The following NBPF15 variants were observed in gnomAD, a reference collection of about 807,000 sequenced individuals.
NBPF15 encodes the protein NBPF family member NBPF15.
Under a neutral mutation model 62.2 loss-of-function variants are expected in NBPF15, and 74 were observed. The observed-to-expected ratio is 1.19, with a 90% CI of 0.99 to 1.44. The LOEUF (loss-of-function observed/expected upper bound fraction) is 1.44. NBPF15 is among the 40% of genes most tolerant of loss of function. The pLI is 0.00. For synonymous variants in NBPF15, 244 were observed against 209.7 expected, an observed-to-expected ratio of 1.16 and a Z score of -1.41; for missense variants, 790 against 550.0, an observed-to-expected ratio of 1.44 and a Z score of -4.36.
intron 6 of NBPF15, among the ~76,000 whole-genome samples, chr1:144,447,502 C>G (rs1688429366): frequency 6.6e-6 from 1 of 151,838 alleles, no homozygotes; most frequent in South Asian, 2.1e-4. Context: ...AATGCTAAAC[C>G]TAACTACAAG....
chr1:144,435,712 G>C, intron 11 of NBPF15, 69 bp downstream of exon 11: 1 of 752,480 alleles, frequency 1.3e-6, no homozygotes, highest in Non-Finnish European at 2.4e-6. Flanking sequence ...AGATGCCAGA[G>C]AGGGTGTGCC....
At chr1:144,424,095 G>A (rs1667781878) in intron 20 of NBPF15, 120 bp from the exon 21 acceptor site, 3 of 750,770 alleles carry the variant, frequency 4.0e-6, no homozygotes, top group African/African-American at 3.4e-5. Flanking sequence ...ACGACACCAT[G>A]AGAGATATAT....
chr1:144,458,842 C>A (rs1219835579), intron 3 of NBPF15, among the ~76,000 whole-genome samples: 1 of 151,720 alleles, frequency 6.6e-6, no homozygotes, highest in Non-Finnish European at 1.5e-5. Flanking sequence ...GAGTTTGAGA[C>A]CAACCTGGGA....
Position 144,426,417 on chromosome 1 carries a change from A to G in NBPF15, c.1299T>C (p.Pro433=), listed in dbSNP as rs1244068108. Residue 433 remains proline, a synonymous_variant, in exon 18 of 22, where the codon CCT becomes CCC. Coordinates refer to ENST00000581897, the MANE Select transcript of NBPF15 (RefSeq NM_001385408.1). ...TATCCAGTGAGTCCTGCAAGACTTCAGGCTCTTTCTCATCCAGCAGCTCCC... is the reference window on the plus strand; with the variant it reads ...TATCCAGTGAGTCCTGCAAGACTTCGGGCTCTTTCTCATCCAGCAGCTCCC... ...LSRELLDEKE[P]EVLQDSLDRC... is the part of the protein sequence containing the mutation. 1,427 of 796,628 alleles carry G rather than the reference A, an allele frequency of 1.8e-3. 14 individuals are homozygous for G. The highest frequency in any genetic ancestry group is 3.8e-3 in the Middle Eastern group (11 of 2,866). 49.3% of individuals were successfully genotyped at this position (796,628 alleles called of 1,614,324 possible).
intron 15 of NBPF15, 148 bp from the exon 16 acceptor site, chr1:144,428,138 G>A (rs1282614512): frequency 4.4e-6 from 3 of 675,108 alleles, no homozygotes; most frequent in Non-Finnish European, 8.1e-6. Context: ...CCTTTATGTT[G>A]GGATAGACTA....
Position 144,426,288 on chromosome 1 carries a change from A to T in NBPF15, c.1428T>A (p.Leu476=), listed in dbSNP as rs1390233382. 5.1e-4 allele frequency: 313 copies of T among 618,280 alleles called. 1 individual carries two copies. In the East Asian group the frequency reaches 7.2e-3, roughly 14 times the overall value. 38.3% of individuals were successfully genotyped at this position (618,280 alleles called of 1,614,324 possible). A position where few individuals can be genotyped will look rare whatever the true frequency, so the allele number is the denominator to read the frequency against. The stretch of plus-strand genomic sequence containing the variant: ...CAGTAAGGTACTCACTGTCCACGTC[A>T]AGAGCCAAGCCAAGGTACTGTTCCT... ...SLEEQYLGLA[L]DVDRIKKDQE... The change falls in exon 18 of 22, where the codon CTT becomes CTA. Residue 476 remains leucine, a synonymous_variant. Coordinates refer to ENST00000581897, the MANE Select transcript of NBPF15 (RefSeq NM_001385408.1).
chr1:144,424,158 G>A (rs1310654198), intron 20 of NBPF15, among the ~76,000 whole-genome samples, 183 bp from the exon 21 acceptor site: 3,510 of 152,100 alleles, frequency 0.023, 93 homozygotes, highest in Middle Eastern at 0.065. Context: ...TTTTCTCCCA[G>A]AAACTGTGGG....
chr1:144,431,395 C>G (rs1376728358), intron 13 of NBPF15, among the ~76,000 whole-genome samples: 1 of 150,234 alleles, frequency 6.7e-6, no homozygotes, highest in Non-Finnish European at 1.5e-5. Flanking sequence ...ACCCTACAAG[C>G]CAGAAGAGAG....
intron 4 of NBPF15, among the ~76,000 whole-genome samples, chr1:144,453,386 C>A (rs1315514908): frequency 5.3e-5 from 8 of 151,670 alleles, no homozygotes; most frequent in Non-Finnish European, 8.8e-5. Flanking sequence ...TAGGAGATAA[C>A]ATAGGAGAAA....
intron 8 of NBPF15, among the ~76,000 whole-genome samples, chr1:144,438,810 G>A (rs1443818789): frequency 6.6e-6 from 1 of 151,782 alleles, no homozygotes; most frequent in South Asian, 2.1e-4. Flanking sequence ...AAGCAACTTG[G>A]ATGGAGCCCA....
intron 6 of NBPF15, among the ~76,000 whole-genome samples, chr1:144,447,188 G>T (rs1688187197): frequency 1.3e-5 from 2 of 152,288 alleles, no homozygotes; most frequent in African/African-American, 2.4e-5. Context: ...CTCCCGCCAT[G>T]ACCTCCAGCC....
In NBPF15 at chr1:144,460,939, C is replaced by G. The variant is rs1178848256; in HGVS notation, c.-915G>C. The G allele has an allele frequency of 6.6e-6, 1 of 151,656 alleles. No individual in the cohort carries two copies. Among genetic ancestry groups the G allele is most frequent in the African/African-American group, 2.4e-5 (1 of 41,214 alleles). 9.4% of individuals were successfully genotyped at this position (151,656 alleles called of 1,614,324 possible). On this transcript the variant is annotated 5_prime_UTR_variant, in exon 2 of 22. Coordinates refer to ENST00000581897, the MANE Select transcript of NBPF15 (RefSeq NM_001385408.1). ...CCTCATGTGCATCCTGGACTTGGTA[C>G]ACCCGGCTTGCCCATCACCAGCCTG...
chr1:144,426,145 A>T lies in NBPF15; in HGVS notation c.1438+133T>A. 4 of 655,676 alleles carry T rather than the reference A, an allele frequency of 6.1e-6. No individual in the cohort carries two copies. The South Asian group carries it at 6.5e-5, about 11-fold the overall frequency. 40.6% of individuals were successfully genotyped at this position (655,676 alleles called of 1,614,324 possible). A position where few individuals can be genotyped will look rare whatever the true frequency, so the allele number is the denominator to read the frequency against. ...CAACTGAGACTACAGTTTCATTACA[A>T]CCTTTATGCGCCCATAGGTCCTGCC... On this transcript the variant is annotated intron_variant, in intron 18 of 21. Transcript: ENST00000581897.
At chr1:144,427,687 C>G (rs1238008018) in intron 16 of NBPF15, 131 bp downstream of exon 16, 20 of 625,816 alleles carry the variant, frequency 3.2e-5, no homozygotes, top group Non-Finnish European at 5.6e-5. Context: ...TTTCATTCAA[C>G]CTACATGTGC....
At chr1:144,424,452 G>C (rs1243814064) in intron 20 of NBPF15, among the ~76,000 whole-genome samples, 2 of 152,016 alleles carry the variant, frequency 1.3e-5, no homozygotes, top group African/African-American at 4.8e-5. Context: ...AATGTCATGA[G>C]AGTAGAATCA....
chr1:144,459,668 G>T (rs587730735), intron 2 of NBPF15, among the ~76,000 whole-genome samples, 185 bp from the exon 3 acceptor site: 1 of 151,606 alleles, frequency 6.6e-6, no homozygotes, highest in East Asian at 1.9e-4. Flanking sequence ...AATGAAAACT[G>T]GATAAAAAGA....
At chr1:144,461,279 G>GCC (rs1409534229) in intron 1 of NBPF15, 102 bp downstream of exon 1, 1 of 151,820 alleles carries the variant, frequency 6.6e-6, no homozygotes, top group African/African-American at 2.4e-5. Context: ...CGGAACACAC[G>GCC]CCCTCCCAAC....
At chr1:144,451,099 A>G (rs1690814081) in intron 4 of NBPF15, among the ~76,000 whole-genome samples, 1 of 151,738 alleles carries the variant, frequency 6.6e-6, no homozygotes, top group South Asian at 2.1e-4. Context: ...ATTTCCGGAG[A>G]GGGGGATGTG....
chr1:144,461,247 G>A (rs1457856467), intron 1 of NBPF15, 134 bp downstream of exon 1: 1 of 152,106 alleles, frequency 6.6e-6, no homozygotes, highest in Non-Finnish European at 1.5e-5. Context: ...TCCAACGCAT[G>A]GAACTTAAGC....
Sources: gnomAD v4.1 joint callset for allele counts (sites outside exome capture counted in the v4.1 genomes callset) on GRCh38, gnomAD v4.1.1 for gene constraint, MANE v1.5 for transcripts, NCBI Gene and HGNC (gene_info 2026-07-23, HGNC 2026-07-21) for gene names.